COL4A6: variants seen among roughly 807,000 people sequenced by gnomAD.
The protein encoded by COL4A6 is collagen alpha-6(IV) chain.
COL4A6 carries 59 observed loss-of-function variants against 126.7 expected under a neutral mutation model. The observed-to-expected ratio is 0.47, with a 90% CI of 0.38 to 0.58. The LOEUF (loss-of-function observed/expected upper bound fraction) is 0.58, where lower values mean the gene tolerates loss of function less well. Ranked by LOEUF, COL4A6 falls within the 20% of genes least tolerant of loss-of-function variation. COL4A6 has a pLI of 0.00. For synonymous variants in COL4A6, 547 were observed against 496.6 expected (o/e 1.10, Z -1.35); for missense variants, 1,285 against 1,337.3 (o/e 0.96, Z 0.61).
intron 2 of COL4A6, among the ~76,000 whole-genome samples, chrX:108,403,233 G>GCTCTCTCTCTCTCTCT (rs59212608): frequency 1.6e-5 from 1 of 62,363 alleles, no homozygotes; most frequent in Non-Finnish European, 2.9e-5. Flanking sequence ...GCAAAGATTA[G>GCTCTCTCTCTCTCTCT]CTCTCTCTCT....
intron 3 of COL4A6, among the ~76,000 whole-genome samples, chrX:108,286,335 A>T (rs150027970): frequency 0.03 from 3,362 of 112,194 alleles, 119 homozygotes; most frequent in African/African-American, 0.1. Flanking sequence ...TCATAATGCT[A>T]TTCAAACTGG....
chrX:108,242,614 A>G (rs1358295127), intron 3 of COL4A6, among the ~76,000 whole-genome samples: 1 of 112,589 alleles, frequency 8.9e-6, no homozygotes, highest in Non-Finnish European at 1.9e-5. Context: ...AATGGTTTTT[A>G]GAAGACACAA....
intron 3 of COL4A6, among the ~76,000 whole-genome samples, chrX:108,286,034 G>C (rs1034416337): frequency 8.9e-6 from 1 of 111,782 alleles, no homozygotes; most frequent in African/African-American, 3.3e-5. Context: ...GACTTTATTA[G>C]GAAAGAAAGA....
chrX:108,275,219 T>C (rs1260276388), intron 3 of COL4A6, among the ~76,000 whole-genome samples: 1 of 111,253 alleles, frequency 9.0e-6, no homozygotes, highest in Non-Finnish European at 1.9e-5. Context: ...AAAAGGTAAA[T>C]AAGGAAGAAA....
intron 2 of COL4A6, 114 bp downstream of exon 2, chrX:108,437,828 T>TGGACTCCGTCTCGTGGTGA (rs2064295263): frequency 1.3e-6 from 1 of 797,016 alleles, no homozygotes; most frequent in Non-Finnish European, 1.9e-6. Flanking sequence ...GGGAGTGGTG[T>TGGACTCCGTCTCGTGGTGA]GGACTCCGTC....
At chrX:108,303,927 C>G (rs928838097) in intron 3 of COL4A6, among the ~76,000 whole-genome samples, 1 of 111,722 alleles carries the variant, frequency 9.0e-6, no homozygotes, top group Non-Finnish European at 1.9e-5. Flanking sequence ...CTAGAAAGCA[C>G]GATAATGCAC....
chrX:108,329,954 T>C (rs2039255991), intron 2 of COL4A6, among the ~76,000 whole-genome samples: 1 of 110,662 alleles, frequency 9.0e-6, no homozygotes, highest in Admixed American at 9.7e-5. Context: ...TTTGTGTGTA[T>C]GTGTGTGCAT....
chrX:108,285,254 C>T (rs780422988), intron 3 of COL4A6, among the ~76,000 whole-genome samples: 1 of 111,545 alleles, frequency 9.0e-6, no homozygotes, highest in Non-Finnish European at 1.9e-5. Context: ...AAGTCACAAT[C>T]TGGAGTCCAA....
At chrX:108,204,158 G>A in intron 12 of COL4A6, among the ~76,000 whole-genome samples, 162 bp downstream of exon 12, 1 of 111,667 alleles carries the variant, frequency 9.0e-6, no homozygotes, top group Non-Finnish European at 1.9e-5. Context: ...CTTTTCATAA[G>A]GGGCAAAACA....
At chrX:108,232,654 G>C (rs1379021416) in intron 3 of COL4A6, among the ~76,000 whole-genome samples, 2 of 111,889 alleles carry the variant, frequency 1.8e-5, no homozygotes, top group African/African-American at 3.2e-5. Flanking sequence ...AAGCAGAAGA[G>C]TTAGATTCAA....
At chrX:108,200,762 G>A (rs1198334124) in intron 13 of COL4A6, among the ~76,000 whole-genome samples, 1 of 111,767 alleles carries the variant, frequency 8.9e-6, no homozygotes, top group African/African-American at 3.3e-5. Context: ...GATTTGAAAT[G>A]TTCCCAACAC....
chrX:108,354,408 A>G (rs2039910702), intron 2 of COL4A6, among the ~76,000 whole-genome samples: 1 of 111,561 alleles, frequency 9.0e-6, no homozygotes, highest in South Asian at 3.8e-4. Context: ...GATACTGATG[A>G]TAACTTTTTC....
intron 22 of COL4A6, among the ~76,000 whole-genome samples, chrX:108,187,521 A>T (rs753926027): frequency 1.8e-5 from 2 of 111,870 alleles, no homozygotes; most frequent in East Asian, 5.6e-4. Flanking sequence ...ACAGGGCAAG[A>T]AATGAGCAGG....
chrX:108,249,063 A>G (rs1233783677), intron 3 of COL4A6, among the ~76,000 whole-genome samples: 1 of 110,099 alleles, frequency 9.1e-6, no homozygotes, highest in Non-Finnish European at 1.9e-5. Context: ...ACATTATGGT[A>G]AGTTGTGTAA....
chrX:108,160,744 T>C (rs963400675), intron 42 of COL4A6, 90 bp from the exon 43 acceptor site: 2 of 836,339 alleles, frequency 2.4e-6, no homozygotes, highest in Admixed American at 6.2e-5. Flanking sequence ...CCAAGGCATG[T>C]TATACACATG....
intron 2 of COL4A6, among the ~76,000 whole-genome samples, chrX:108,382,819 G>A (rs1323990390): frequency 9.3e-6 from 1 of 107,979 alleles, no homozygotes; most frequent in Non-Finnish European, 1.9e-5. Flanking sequence ...GTAGTGGTGC[G>A]TGCCTGAAAT....
chrX:108,351,442 C>CTGTGTGTG (rs965452058), intron 2 of COL4A6, among the ~76,000 whole-genome samples: 21 of 94,339 alleles, frequency 2.2e-4, no homozygotes, highest in East Asian at 1.8e-3. Flanking sequence ...CTCTCTCTCT[C>CTGTGTGTG]TGTGTGTGTG....
At chrX:108,365,676 A>T (rs1004445625) in intron 2 of COL4A6, among the ~76,000 whole-genome samples, 30 of 112,307 alleles carry the variant, frequency 2.7e-4, no homozygotes, top group African/African-American at 9.4e-4. Context: ...GCACTTCTCA[A>T]ACTCTATGTG....
At chrX:108,245,322 A>G (rs1169047284) in intron 3 of COL4A6, among the ~76,000 whole-genome samples, 1 of 112,147 alleles carries the variant, frequency 8.9e-6, no homozygotes, top group Admixed American at 9.4e-5. Context: ...AATTAGCTCA[A>G]TTAAATGGTG....
Sources: gnomAD v4.1 joint callset for allele counts (sites outside exome capture counted in the v4.1 genomes callset) on GRCh38, gnomAD v4.1.1 for gene constraint, MANE v1.5 for transcripts, NCBI Gene and HGNC (gene_info 2026-07-23, HGNC 2026-07-21) for gene names.